Variants in CRCP observed in about 807,000 individuals in gnomAD.
The protein encoded by CRCP is CGRP receptor component.
CRCP carries 18 observed loss-of-function variants against 18.5 expected under a neutral mutation model. The observed-to-expected ratio is 0.97, with a 90% confidence interval of 0.67 to 1.44. The LOEUF (loss-of-function observed/expected upper bound fraction) is 1.44, where lower values mean the gene tolerates loss of function less well. CRCP is among the 40% of genes most tolerant of loss of function. CRCP has a pLI of 0.00. For missense variants in CRCP, 130 were observed against 176.4 expected (o/e 0.74, Z 1.49); for synonymous variants, 53 against 62.9 (o/e 0.84, Z 0.75).
At chr7:66,134,159 C>A in intron 3 of CRCP, 121 bp from the exon 4 acceptor site, 2 of 773,964 alleles carry the variant, frequency 2.6e-6, no homozygotes, top group Non-Finnish European at 4.2e-6. Flanking sequence ...CGTGCCCAGC[C>A]TCTACAGGAT....
At chr7:66,135,503 C>CT (rs1562767222) in intron 4 of CRCP, among the ~76,000 whole-genome samples, 1 of 152,000 alleles carries the variant, frequency 6.6e-6, no homozygotes, top group African/African-American at 2.4e-5. Context: ...TTTCTTCCTT[C>CT]TTTTTTTATT....
rs1486661210 is a variant in CRCP at position 66,114,911 on chromosome 7, A to T, written c.-52A>T. 6.2e-7 allele frequency: 1 copy of T among 1,610,586 alleles called. No homozygotes were observed. The highest frequency in any genetic ancestry group is 2.2e-5 in the East Asian group (1 of 44,690). On this transcript the variant is annotated 5_prime_UTR_variant, in exon 1 of 6. Transcript: ENST00000395326. ...GTTGGTGGCGGCGGAGACAGCTGTG[A>T]AGTGTGAGGTTCTTTGTCTGCTGGC...
At chr7:66,148,773 T>G (rs373574929) in intron 5 of CRCP, among the ~76,000 whole-genome samples, 11 of 152,328 alleles carry the variant, frequency 7.2e-5, no homozygotes, top group African/African-American at 2.6e-4. Context: ...GGCCTGTTAG[T>G]GATTTCGTGA....
chr7:66,152,619 T>G lies in CRCP; in HGVS notation c.*262T>G. On this transcript the variant is annotated 3_prime_UTR_variant, in exon 6 of 6. Transcript: ENST00000395326. ...CGCGGACCCCTCTGTGCTTGAAAGATTTCCTCCACGGCCTTTGCCCCAGTT... is the reference window on the plus strand; with the variant it reads ...CGCGGACCCCTCTGTGCTTGAAAGAGTTCCTCCACGGCCTTTGCCCCAGTT... 2.4e-6 allele frequency: 1 copy of G among 416,220 alleles called. No individual in the cohort carries two copies. The highest frequency in any genetic ancestry group is 4.4e-6 in the Non-Finnish European group (1 of 224,816). The allele number at this position is 416,220 out of a possible 1,614,324, so 25.8% of individuals were successfully genotyped here. A position where few individuals can be genotyped will look rare whatever the true frequency, so the allele number is the denominator to read the frequency against.
At chr7:66,144,283 T>C (rs1788224619) in intron 4 of CRCP, among the ~76,000 whole-genome samples, 1 of 152,224 alleles carries the variant, frequency 6.6e-6, no homozygotes, top group East Asian at 1.9e-4. Context: ...TGTGAAAATT[T>C]ACATGTATTT....
chr7:66,134,019 C>T lies in CRCP; in HGVS notation c.145-261C>T, dbSNP rs533863067. Among the ~76,000 whole-genome samples the T allele has an allele frequency of 1.5e-3, 221 of 151,738 alleles. 2 individuals are homozygous for T. Among genetic ancestry groups the T allele is most frequent in the African/African-American group, 5.2e-3 (214 of 41,400 alleles). ...GATTACAGGCGTGCACCTCCACACC[C>T]AGCTAATTTTTTGTATTTTTGGTAG... On this transcript the variant is annotated intron_variant, in intron 3 of 5. Transcript: ENST00000395326.
chr7:66,145,550 A>G, intron 5 of CRCP, 50 bp downstream of exon 5: 1 of 1,596,306 alleles, frequency 6.3e-7, no homozygotes, highest in Non-Finnish European at 8.6e-7. Flanking sequence ...TCTGAGATGT[A>G]GAATGGCTGT....
At chr7:66,120,590 C>T (rs1787408027) in intron 1 of CRCP, 1 of 151,954 alleles carries the variant, frequency 6.6e-6, no homozygotes, top group African/African-American at 2.4e-5. Context: ...TGGAAGTCTG[C>T]TCCTTAGGAT....
chr7:66,137,861 G>T (rs1788015283), intron 4 of CRCP, among the ~76,000 whole-genome samples: 1 of 152,068 alleles, frequency 6.6e-6, no homozygotes, highest in African/African-American at 2.4e-5. Context: ...TGTTATGGTT[G>T]TATTTATAAC....
chr7:66,135,156 G>C (rs920460123), intron 4 of CRCP, among the ~76,000 whole-genome samples: 1 of 152,104 alleles, frequency 6.6e-6, no homozygotes, highest in African/African-American at 2.4e-5. Flanking sequence ...GGGCCACTTG[G>C]TTCTTACAGA....
intron 2 of CRCP, 151 bp downstream of exon 2, chr7:66,127,891 A>G (rs941677871): frequency 3.9e-5 from 32 of 825,506 alleles, no homozygotes; most frequent in Admixed American, 1.6e-4. Flanking sequence ...AGGCTGGATC[A>G]CTTGAGGTCA....
chr7:66,144,112 AGTT>A (rs1470712336), intron 4 of CRCP, among the ~76,000 whole-genome samples: 1 of 152,160 alleles, frequency 6.6e-6, no homozygotes, highest in Non-Finnish European at 1.5e-5. Flanking sequence ...GAAATGTAGA[AGTT>A]GTTGCCTGCA....
chr7:66,124,736 A>G (rs1221618295), intron 1 of CRCP, among the ~76,000 whole-genome samples: 1 of 126,640 alleles, frequency 7.9e-6, no homozygotes, highest in Non-Finnish European at 1.9e-5. Context: ...AGGTGCACAC[A>G]CTTACTTTAC....
At chr7:66,146,324 G>A (rs951149159) in intron 5 of CRCP, among the ~76,000 whole-genome samples, 4 of 152,080 alleles carry the variant, frequency 2.6e-5, no homozygotes, top group Non-Finnish European at 4.4e-5. Flanking sequence ...TAAGGGGCCC[G>A]GGAAATGATC....
Position 66,152,232 on chromosome 7 carries a change from C to T in CRCP, c.322C>T (p.Leu108Phe). ...QLMVEESEER[L>F]TEEQIEALLH... Reference sequence around the variant, plus strand: ...GATGGTGGAAGAGAGTGAAGAGCGGCTCACGGAGGAGCAGATTGAAGCTCT... The same window carrying T: ...GATGGTGGAAGAGAGTGAAGAGCGGTTCACGGAGGAGCAGATTGAAGCTCT... The change falls in exon 6 of 6, where the codon CTC (leucine) becomes TTC (phenylalanine). Residue 108 changes from leucine (L) to phenylalanine (F), a missense_variant. Physicochemically the swap from Leu to Phe is conservative, Grantham distance 22 (BLOSUM62 0). Transcript: ENST00000395326. 1 of 1,614,138 alleles carries T rather than the reference C, an allele frequency of 6.2e-7. No individual in the cohort carries two copies. The highest frequency in any genetic ancestry group is 1.3e-5 in the African/African-American group (1 of 75,048).
Position 66,134,262 on chromosome 7 carries a change from T to C in CRCP, c.145-18T>C. ...TTGTCTTATGCTTGGCTTTTTTCTT[T>C]TTTTTTTTTTTTGCCAGACGTTAAA... On this transcript the variant is annotated intron_variant, in intron 3 of 5. Transcript: ENST00000395326. 1 of 806,010 alleles carries C rather than the reference T, an allele frequency of 1.2e-6. No individual in the cohort carries two copies. Among genetic ancestry groups the C allele is most frequent in the Non-Finnish European group, 1.7e-6 (1 of 587,792 alleles). The allele number at this position is 806,010 out of a possible 1,614,324, so 49.9% of individuals were successfully genotyped here. A position where few individuals can be genotyped will look rare whatever the true frequency, so the allele number is the denominator to read the frequency against.
intron 1 of CRCP, among the ~76,000 whole-genome samples, chr7:66,125,370 A>G (rs1787589946): frequency 6.7e-6 from 1 of 149,610 alleles, no homozygotes; most frequent in Admixed American, 6.7e-5. Flanking sequence ...TAAAAGGTAG[A>G]TAAAGTACCT....
chr7:66,133,302 G>A (rs1386304326), intron 3 of CRCP, among the ~76,000 whole-genome samples: 1 of 151,998 alleles, frequency 6.6e-6, no homozygotes, highest in Non-Finnish European at 1.5e-5. Flanking sequence ...TCAGGAGATC[G>A]AGACCATCCT....
chr7:66,122,548 G>A (rs1167358338), intron 1 of CRCP, among the ~76,000 whole-genome samples: 2 of 151,880 alleles, frequency 1.3e-5, no homozygotes, highest in African/African-American at 4.8e-5. Flanking sequence ...TACAAGAAGT[G>A]TCAAATGGAA....
Sources: allele counts gnomAD v4.1 joint callset (sites outside exome capture counted in the v4.1 genomes callset), GRCh38; gene constraint gnomAD v4.1.1; transcripts MANE v1.5; gene names NCBI Gene and HGNC (gene_info 2026-07-23, HGNC 2026-07-21).